ZNF385B: variants seen among roughly 807,000 people sequenced by gnomAD.
ZNF385B encodes zinc finger protein 533.
A neutral mutation model predicts 39.2 loss-of-function variants in ZNF385B; 23 were observed. That is an observed-to-expected ratio of 0.59 (90% CI 0.42 to 0.83). ZNF385B has a LOEUF of 0.83. ZNF385B is among the 40% of genes least tolerant of loss of function. The probability of loss-of-function intolerance (pLI) is 0.00; values close to 1 mark genes in which losing one functional copy is unlikely to be tolerated. For synonymous variants in ZNF385B, 205 were observed against 222.6 expected, an observed-to-expected ratio of 0.92 and a Z score of 0.70; for missense variants, 552 against 598.9, an observed-to-expected ratio of 0.92 and a Z score of 0.82.
At chr2:179,816,062 C>T (rs1166718767) in intron 1 of ZNF385B, among the ~76,000 whole-genome samples, 1 of 152,056 alleles carries the variant, frequency 6.6e-6, no homozygotes, top group East Asian at 1.9e-4. Context: ...CAGACTCAGT[C>T]AGAACTGCCT....
At chr2:179,824,885 A>T (rs1707596142) in intron 1 of ZNF385B, among the ~76,000 whole-genome samples, 1 of 152,110 alleles carries the variant, frequency 6.6e-6, no homozygotes, top group South Asian at 2.1e-4. Flanking sequence ...ATTTAAAAAA[A>T]AAAAACATTT....
At chr2:179,664,129 G>A (rs1357504229) in intron 3 of ZNF385B, among the ~76,000 whole-genome samples, 1 of 149,890 alleles carries the variant, frequency 6.7e-6, no homozygotes, top group Non-Finnish European at 1.5e-5. Flanking sequence ...TCCTTCAGGG[G>A]ATTTTTTTTT....
chr2:179,729,752 G>C (rs1374454051), intron 3 of ZNF385B, among the ~76,000 whole-genome samples: 1 of 152,184 alleles, frequency 6.6e-6, no homozygotes, highest in Admixed American at 6.5e-5. Context: ...GACCAGGTGG[G>C]AGGTGATTGG....
intron 5 of ZNF385B, among the ~76,000 whole-genome samples, chr2:179,518,316 G>A (rs1160457299): frequency 6.6e-6 from 1 of 152,080 alleles, no homozygotes; most frequent in Admixed American, 6.5e-5. Context: ...CCATGGATAT[G>A]GACCCTGTGG....
intron 3 of ZNF385B, among the ~76,000 whole-genome samples, chr2:179,734,881 C>A (rs1249784172): frequency 2.0e-5 from 3 of 152,080 alleles, no homozygotes; most frequent in Non-Finnish European, 4.4e-5. Context: ...AAAATCAATT[C>A]AAGATGGATT....
intron 1 of ZNF385B, among the ~76,000 whole-genome samples, chr2:179,844,579 A>G (rs922714833): frequency 1.3e-5 from 2 of 152,224 alleles, no homozygotes; most frequent in Admixed American, 1.3e-4. Context: ...AAAATTAAAG[A>G]AAGAAGCAAG....
intron 1 of ZNF385B, among the ~76,000 whole-genome samples, chr2:179,837,368 T>C (rs1708310097): frequency 6.6e-6 from 1 of 152,238 alleles, no homozygotes; most frequent in Non-Finnish European, 1.5e-5. Flanking sequence ...AAAAGAAATA[T>C]CAACAAATTG....
chr2:179,635,315 A>G (rs943794879), intron 3 of ZNF385B, among the ~76,000 whole-genome samples: 1 of 141,056 alleles, frequency 7.1e-6, no homozygotes, highest in South Asian at 2.4e-4. Flanking sequence ...GTTCTCACTC[A>G]TATGTGGGAA....
chr2:179,752,026 G>A (rs1702708852), intron 3 of ZNF385B, among the ~76,000 whole-genome samples: 1 of 152,046 alleles, frequency 6.6e-6, no homozygotes, highest in Non-Finnish European at 1.5e-5. Context: ...ATGTTCGTGT[G>A]CTGCACCCAT....
chr2:179,671,200 T>C (rs141880883), intron 3 of ZNF385B, among the ~76,000 whole-genome samples: 252 of 152,332 alleles, frequency 1.7e-3, no homozygotes, highest in African/African-American at 5.8e-3. Flanking sequence ...CAATAAGAAC[T>C]TCCAAGAGTG....
intron 1 of ZNF385B, among the ~76,000 whole-genome samples, chr2:179,851,234 T>C (rs1276014990): frequency 6.6e-6 from 1 of 152,186 alleles, no homozygotes; most frequent in Non-Finnish European, 1.5e-5. Context: ...GAGGACTGCT[T>C]GAGGCCAGGA....
chr2:179,837,663 G>C (rs930272992), intron 1 of ZNF385B, among the ~76,000 whole-genome samples: 1 of 152,074 alleles, frequency 6.6e-6, no homozygotes, highest in African/African-American at 2.4e-5. Flanking sequence ...GAGGGTATTC[G>C]AGTTTACGCA....
At chr2:179,701,036 A>G (rs1699158295) in intron 3 of ZNF385B, among the ~76,000 whole-genome samples, 1 of 152,130 alleles carries the variant, frequency 6.6e-6, no homozygotes, top group African/African-American at 2.4e-5. Context: ...AAAAACAAAA[A>G]CAAAACAAAA....
chr2:179,449,206 G>C (rs1031326178), intron 6 of ZNF385B, among the ~76,000 whole-genome samples: 13 of 152,122 alleles, frequency 8.5e-5, no homozygotes, highest in Non-Finnish European at 5.9e-5. Flanking sequence ...AACAGAAACT[G>C]GTAAGAGGCG....
chr2:179,793,699 T>C (rs1441948518), intron 1 of ZNF385B, among the ~76,000 whole-genome samples: 2 of 152,210 alleles, frequency 1.3e-5, no homozygotes, highest in Admixed American at 6.5e-5. Context: ...CAGGTAGTTC[T>C]TTATAGTGGT....
intron 3 of ZNF385B, among the ~76,000 whole-genome samples, chr2:179,587,272 T>C (rs1036549579): frequency 6.6e-6 from 1 of 152,164 alleles, no homozygotes; most frequent in Non-Finnish European, 1.5e-5. Context: ...TTTCATAAAA[T>C]AACCTATAAT....
intron 3 of ZNF385B, among the ~76,000 whole-genome samples, chr2:179,622,645 C>G (rs1485844035): frequency 6.6e-6 from 1 of 152,140 alleles, no homozygotes; most frequent in African/African-American, 2.4e-5. Flanking sequence ...TTATTTTAAG[C>G]CACACATATA....
At chr2:179,825,054 C>A (rs964729733) in intron 1 of ZNF385B, among the ~76,000 whole-genome samples, 16 of 152,238 alleles carry the variant, frequency 1.1e-4, no homozygotes, top group Middle Eastern at 3.4e-3. Flanking sequence ...AAAGAAAATT[C>A]ATTTGAAGCC....
intron 6 of ZNF385B, among the ~76,000 whole-genome samples, chr2:179,455,227 T>G (rs534981331): frequency 7.2e-5 from 11 of 152,256 alleles, no homozygotes; most frequent in African/African-American, 2.2e-4. Context: ...TTTAGTACAG[T>G]AACCTGTTAT....
Sources: gnomAD v4.1 joint callset for allele counts (sites outside exome capture counted in the v4.1 genomes callset) on GRCh38, gnomAD v4.1.1 for gene constraint, MANE v1.5 for transcripts, NCBI Gene and HGNC (gene_info 2026-07-23, HGNC 2026-07-21) for gene names.